LEPR: variants seen among roughly 807,000 people sequenced by gnomAD.
The protein encoded by LEPR is leptin receptor.
Under a neutral mutation model 114.7 loss-of-function variants are expected in LEPR, and 56 were observed. The ratio of observed to expected loss-of-function variants is 0.49; its 90% CI spans 0.39 to 0.61. LEPR has a LOEUF of 0.61. Among genes scored for constraint, LEPR ranks in the 20% least tolerant of loss-of-function variants. The pLI is 0.00. For missense variants in LEPR, 1,202 were observed against 1,352.9 expected (o/e 0.89, Z 1.75); for synonymous variants, 443 against 461.4 (o/e 0.96, Z 0.51).
intron 2 of LEPR, among the ~76,000 whole-genome samples, chr1:65,466,297 T>G (rs1263193097): frequency 6.6e-6 from 1 of 152,228 alleles, no homozygotes; most frequent in African/African-American, 2.4e-5. Context: ...TTAGTTTGGC[T>G]GCATATGAGA....
In LEPR at chr1:65,579,741, T is replaced by A. The variant is rs11208675; in HGVS notation, c.494+7292T>A. On this transcript the variant is annotated intron_variant, in intron 5 of 19. Coordinates refer to ENST00000349533, the MANE Select transcript of LEPR (RefSeq NM_002303.6). ...TAAAGCCCCGTGAATATGTGTAAGGTCTTAAATTCTATTATGTATATATTA... is the reference window on the plus strand; with the variant it reads ...TAAAGCCCCGTGAATATGTGTAAGGACTTAAATTCTATTATGTATATATTA... Among the ~76,000 whole-genome samples, 75 of 152,032 alleles carry A rather than the reference T, an allele frequency of 4.9e-4. No homozygotes were observed. In the East Asian group the frequency reaches 0.014, roughly 28 times the overall value.
At chr1:65,449,712 T>G (rs1434560780) in intron 2 of LEPR, among the ~76,000 whole-genome samples, 1 of 151,858 alleles carries the variant, frequency 6.6e-6, no homozygotes, top group Non-Finnish European at 1.5e-5. Flanking sequence ...TAGCTTTTAG[T>G]TTCATTGATT....
At chr1:65,613,170 C>T (rs1296032158) in intron 14 of LEPR, among the ~76,000 whole-genome samples, 1 of 152,108 alleles carries the variant, frequency 6.6e-6, no homozygotes, top group Non-Finnish European at 1.5e-5. Flanking sequence ...TTATTTTAGA[C>T]TTGGTTTGTA....
chr1:65,583,114 A>T (rs1337729716), intron 5 of LEPR, among the ~76,000 whole-genome samples: 1 of 152,208 alleles, frequency 6.6e-6, no homozygotes, highest in Non-Finnish European at 1.5e-5. Flanking sequence ...AAGGAAACAA[A>T]ATGAGTACTC....
chr1:65,426,244 T>C (rs922168597), intron 2 of LEPR, among the ~76,000 whole-genome samples: 4 of 134,122 alleles, frequency 3.0e-5, no homozygotes, highest in Admixed American at 2.8e-4. Flanking sequence ...GACATGAAAG[T>C]GTATATAGCC....
chr1:65,511,124 T>A (rs1482129194), intron 2 of LEPR, among the ~76,000 whole-genome samples: 1 of 152,226 alleles, frequency 6.6e-6, no homozygotes, highest in Non-Finnish European at 1.5e-5. Context: ...TCCCCTATTA[T>A]TAACAATCTT....
At chr1:65,609,346 T>C (rs1657025231) in intron 12 of LEPR, among the ~76,000 whole-genome samples, 1 of 152,238 alleles carries the variant, frequency 6.6e-6, no homozygotes, top group Admixed American at 6.5e-5. Flanking sequence ...TTTTAGTACA[T>C]ACATGTTTAG....
chr1:65,542,861 C>T (rs1279916366), intron 2 of LEPR, among the ~76,000 whole-genome samples: 2 of 152,074 alleles, frequency 1.3e-5, no homozygotes, highest in Admixed American at 1.3e-4. Context: ...TCCAGTCTAT[C>T]ATTGATGGCC....
intron 2 of LEPR, among the ~76,000 whole-genome samples, chr1:65,483,760 T>G (rs368593000): frequency 1.3e-5 from 2 of 152,176 alleles, no homozygotes; most frequent in Non-Finnish European, 2.9e-5. Context: ...GATATCCACA[T>G]GGCTCTGTCT....
Position 65,450,887 on chromosome 1 carries a change from C to T in LEPR, c.-21+25509C>T, listed in dbSNP as rs1445643715. Among the ~76,000 whole-genome samples the T allele has an allele frequency of 5.3e-5, 8 of 151,758 alleles. No homozygotes were observed. The South Asian group carries it at 1.5e-3, about 28-fold the overall frequency. ...ACAATGGTTGAACTAGTTTACAGTC[C>T]CACCAACAGTGTAAAAGCATTCCTA... is the stretch of plus-strand genomic sequence containing the variant. On this transcript the variant is annotated intron_variant, in intron 2 of 19. Transcript: ENST00000349533.
chr1:65,425,466 A>T, intron 2 of LEPR, 88 bp downstream of exon 2: 1 of 1,140,256 alleles, frequency 8.8e-7, no homozygotes, highest in Non-Finnish European at 1.2e-6. Flanking sequence ...TCAATTTAGC[A>T]CCAAGTTCTA....
At chr1:65,470,907 T>G (rs1029643243) in intron 2 of LEPR, among the ~76,000 whole-genome samples, 4 of 152,192 alleles carry the variant, frequency 2.6e-5, no homozygotes, top group African/African-American at 4.8e-5. Flanking sequence ...AGTGGATGAT[T>G]GATAGTCATT....
In LEPR at chr1:65,588,865, A is replaced by G. The variant is rs569540904; in HGVS notation, c.495-3792A>G. On this transcript the variant is annotated intron_variant, in intron 5 of 19. Coordinates refer to ENST00000349533, the MANE Select transcript of LEPR (RefSeq NM_002303.6). ...GCATTTAAATTGTTTATAGTTTTTG[A>G]CTGTTACAAATGAAGTTGTCACAAG... Among the ~76,000 whole-genome samples the G allele has an allele frequency of 8.5e-5, 13 of 152,210 alleles. 1 individual carries two copies. The highest frequency in any genetic ancestry group is 8.3e-4 in the South Asian group (4 of 4,822).
In LEPR at chr1:65,633,618, CAG is replaced by C; in HGVS notation, c.2674-2572_2674-2571del. On this transcript the variant is annotated intron_variant, in intron 19 of 19. Transcript: ENST00000349533. This position sits in a 1 kb window ranked among gnomAD's most constrained non-coding sequence, Gnocchi z 4.1. The stretch of plus-strand genomic sequence containing the variant: ...AATACAATGATTATAAGTATGGAAT[CAG>C]TGAAAATATTTAGTTTGTATTTTTA... 1.0e-6 allele frequency: 1 copy of C among 981,974 alleles called. No homozygotes were observed. Among genetic ancestry groups the C allele is most frequent in the Non-Finnish European group, 1.2e-6 (1 of 826,196 alleles). 60.8% of individuals were successfully genotyped at this position (981,974 alleles called of 1,614,324 possible).
chr1:65,530,750 A>G (rs532110555), intron 2 of LEPR, among the ~76,000 whole-genome samples: 3 of 152,064 alleles, frequency 2.0e-5, no homozygotes, highest in South Asian at 2.1e-4. Context: ...CTGACCTCCT[A>G]TCTCATCCTG....
chr1:65,470,749 G>T (rs886201743), intron 2 of LEPR, among the ~76,000 whole-genome samples: 1 of 152,174 alleles, frequency 6.6e-6, no homozygotes, highest in Non-Finnish European at 1.5e-5. Flanking sequence ...AAACTTTCTC[G>T]ATATCCAAAT....
chr1:65,459,734 C>A (rs1254710840), intron 2 of LEPR, among the ~76,000 whole-genome samples: 5 of 152,216 alleles, frequency 3.3e-5, no homozygotes, highest in Non-Finnish European at 5.9e-5. Context: ...TATTCCAATT[C>A]TTTGCCAGCA....
In LEPR at chr1:65,640,480, T is replaced by C. The variant is rs976344953; in HGVS notation, c.*3465T>C. 12 of 152,202 alleles carry C rather than the reference T, an allele frequency of 7.9e-5. No individual in the cohort carries two copies. The highest frequency in any genetic ancestry group is 2.9e-4 in the African/African-American group (12 of 41,456). 9.4% of individuals were successfully genotyped at this position (152,202 alleles called of 1,614,324 possible). A position where few individuals can be genotyped will look rare whatever the true frequency, so the allele number is the denominator to read the frequency against. On this transcript the variant is annotated 3_prime_UTR_variant, in exon 20 of 20. Coordinates refer to ENST00000349533, the MANE Select transcript of LEPR (RefSeq NM_002303.6). ...ACAAAATTATAGTTGTCCACTCTAC[T>C]ATGACTGAAAGAAGCAGCATTCAAG... is the stretch of plus-strand genomic sequence containing the variant.
intron 2 of LEPR, among the ~76,000 whole-genome samples, chr1:65,555,073 C>A (rs529983806): frequency 6.6e-6 from 1 of 152,070 alleles, no homozygotes; most frequent in Admixed American, 6.5e-5. Context: ...TGAGATGAGC[C>A]GGGTACCTCA....
Sources: allele counts gnomAD v4.1 joint callset (sites outside exome capture counted in the v4.1 genomes callset), GRCh38; gene constraint gnomAD v4.1.1; non-coding constraint Gnocchi (gnomAD v3.1); transcripts MANE v1.5; gene names NCBI Gene and HGNC (gene_info 2026-07-23, HGNC 2026-07-21).